The following SLC35F1 variants were observed in gnomAD, a reference collection of about 807,000 sequenced individuals.
SLC35F1 encodes the protein solute carrier family 35 member F1, also known as chromosome 6 open reading frame 169.
A neutral mutation model predicts 48.7 loss-of-function variants in SLC35F1; 14 were observed. That is an observed-to-expected ratio of 0.29 (90% CI 0.19 to 0.45). The LOEUF is 0.45. SLC35F1 is among the 20% of genes least tolerant of loss of function. The pLI, the probability that SLC35F1 is intolerant of heterozygous loss-of-function variation, is 1.00. For missense variants in SLC35F1, 404 were observed against 500.0 expected (o/e 0.81, Z 1.83); for synonymous variants, 190 against 202.2 (o/e 0.94, Z 0.51).
chr6:117,971,265 G>A (rs1191546871), intron 1 of SLC35F1, among the ~76,000 whole-genome samples: 1 of 152,216 alleles, frequency 6.6e-6, no homozygotes, highest in African/African-American at 2.4e-5. Flanking sequence ...TTGACTCCAT[G>A]TCTCATATCC....
At position 118,314,141 on chromosome 6, in the gene SLC35F1, T is replaced by C. The variant is rs1220303248; in HGVS notation, c.1116T>C (p.Asn372=). 3.7e-6 allele frequency: 6 copies of C among 1,614,170 alleles called. No individual in the cohort carries two copies. Among genetic ancestry groups the C allele is most frequent in the Non-Finnish European group, 5.1e-6 (6 of 1,180,020 alleles). The part of the protein sequence containing the change: ...QDPRVYKQFR[N]PSGPVVDLPT... Reference sequence around the variant, plus strand: ...CCCGAGTGTATAAGCAGTTCCGCAATCCTTCAGGACCTGTTGTGGACTTAC... The same window carrying C: ...CCCGAGTGTATAAGCAGTTCCGCAACCCTTCAGGACCTGTTGTGGACTTAC... Residue 372 remains asparagine, a synonymous_variant, in exon 8 of 8, where the codon AAT becomes AAC. Transcript: ENST00000360388.
chr6:118,255,514 C>G (rs1425734476), intron 3 of SLC35F1, among the ~76,000 whole-genome samples: 4 of 152,182 alleles, frequency 2.6e-5, no homozygotes, highest in Non-Finnish European at 5.9e-5. Context: ...GAGCTTGTGT[C>G]TAATTATCTG....
chr6:118,022,830 A>C (rs994720111), intron 1 of SLC35F1, among the ~76,000 whole-genome samples: 26 of 148,300 alleles, frequency 1.8e-4, no homozygotes, highest in African/African-American at 6.5e-4. Context: ...GGCTCACTGC[A>C]AGCTCCGCCT....
At chr6:117,996,648 A>T (rs1274409545) in intron 1 of SLC35F1, among the ~76,000 whole-genome samples, 1 of 152,220 alleles carries the variant, frequency 6.6e-6, no homozygotes, top group Non-Finnish European at 1.5e-5. Context: ...CTGCAGCCAC[A>T]GCTGCTGATA....
At chr6:117,983,315 G>A (rs1441354069) in intron 1 of SLC35F1, among the ~76,000 whole-genome samples, 1 of 152,226 alleles carries the variant, frequency 6.6e-6, no homozygotes, top group Non-Finnish European at 1.5e-5. Flanking sequence ...GGTGGCTCCC[G>A]CCTATAATCC....
intron 1 of SLC35F1, among the ~76,000 whole-genome samples, chr6:118,107,843 A>G (rs1229863687): frequency 1.3e-5 from 2 of 152,064 alleles, no homozygotes; most frequent in Non-Finnish European, 2.9e-5. Context: ...GAAAAATTAC[A>G]GACAATTTCA....
chr6:118,120,766 C>T (rs190261447), intron 1 of SLC35F1, among the ~76,000 whole-genome samples: 17 of 152,076 alleles, frequency 1.1e-4, no homozygotes, highest in South Asian at 2.1e-4. Context: ...TGAAATATTC[C>T]GCACTGAAAC....
intron 1 of SLC35F1, among the ~76,000 whole-genome samples, chr6:118,061,556 GTA>G (rs987100183): frequency 6.9e-6 from 1 of 145,272 alleles, no homozygotes; most frequent in Non-Finnish European, 1.5e-5. Context: ...TATTTTATGT[GTA>G]TATATATATA....
At chr6:118,260,066 T>C (rs1392168260) in intron 3 of SLC35F1, among the ~76,000 whole-genome samples, 1 of 152,120 alleles carries the variant, frequency 6.6e-6, no homozygotes, top group African/African-American at 2.4e-5. Context: ...GTGTGATACA[T>C]GAACAACATG....
At chr6:118,004,344 T>A (rs1225504827) in intron 1 of SLC35F1, among the ~76,000 whole-genome samples, 2 of 152,214 alleles carry the variant, frequency 1.3e-5, no homozygotes, top group Non-Finnish European at 2.9e-5. Flanking sequence ...ATATCCAGAA[T>A]GTCTGTTTTA....
intron 1 of SLC35F1, among the ~76,000 whole-genome samples, chr6:118,013,536 A>G (rs1475606941): frequency 6.6e-6 from 1 of 152,206 alleles, no homozygotes; most frequent in Non-Finnish European, 1.5e-5. Context: ...ATGTTTGTGA[A>G]TAGGAAAGTG....
chr6:118,000,809 A>G (rs1582610876), intron 1 of SLC35F1, among the ~76,000 whole-genome samples: 2 of 152,324 alleles, frequency 1.3e-5, no homozygotes, highest in East Asian at 1.9e-4. Flanking sequence ...CCAGTAACAG[A>G]CAAACAGAGA....
intron 1 of SLC35F1, among the ~76,000 whole-genome samples, chr6:118,038,748 A>G (rs1203599317): frequency 6.6e-6 from 1 of 151,988 alleles, no homozygotes; most frequent in Non-Finnish European, 1.5e-5. Context: ...CAGCCTCCTG[A>G]GCAGCTAAGA....
intron 5 of SLC35F1, among the ~76,000 whole-genome samples, chr6:118,276,707 G>A (rs529952981): frequency 6.6e-6 from 1 of 152,274 alleles, no homozygotes; most frequent in South Asian, 2.1e-4. Flanking sequence ...CTTCTTTTAT[G>A]GGTTATTATT....
chr6:118,224,162 T>C lies in SLC35F1; in HGVS notation c.350-11347T>C, dbSNP rs555180331. On this transcript the variant is annotated intron_variant, in intron 2 of 7. Coordinates refer to ENST00000360388, the MANE Select transcript of SLC35F1 (RefSeq NM_001029858.4). ...TAGGGAGATTTATATGAATACATAG[T>C]TTCATTATGATTGCTTTGAAAAATT... Among the ~76,000 whole-genome samples, 6 of 152,250 alleles carry C rather than the reference T, an allele frequency of 3.9e-5. No homozygotes were observed. The South Asian group carries it at 1.2e-3, about 32-fold the overall frequency.
At chr6:118,018,349 T>C (rs1777349650) in intron 1 of SLC35F1, among the ~76,000 whole-genome samples, 1 of 150,938 alleles carries the variant, frequency 6.6e-6, no homozygotes, top group East Asian at 2.0e-4. Flanking sequence ...CTAGCCTGGA[T>C]GACACAGAAA....
chr6:118,293,792 A>C (rs915388226), intron 7 of SLC35F1, among the ~76,000 whole-genome samples: 1 of 152,208 alleles, frequency 6.6e-6, no homozygotes, highest in African/African-American at 2.4e-5. Context: ...GTATCTTGCT[A>C]GTATGTGATT....
At chr6:118,078,277 T>G (rs1258247461) in intron 1 of SLC35F1, among the ~76,000 whole-genome samples, 5 of 152,152 alleles carry the variant, frequency 3.3e-5, no homozygotes, top group Non-Finnish European at 7.3e-5. Flanking sequence ...GTCAAAGAGA[T>G]AGAAAACCTC....
In SLC35F1 at chr6:118,088,176, G is replaced by T. The variant is rs6568999; in HGVS notation, c.174-66269G>T. ...CTGCGTATCTTTTTATATATTTTTC[G>T]TGGTGATCTCACACAAAGAACTATT... On this transcript the variant is annotated intron_variant, in intron 1 of 7. Transcript: ENST00000360388. Among the ~76,000 whole-genome samples, 12 of 151,898 alleles carry T rather than the reference G, an allele frequency of 7.9e-5. No homozygotes were observed. The South Asian group carries it at 2.3e-3, about 29-fold the overall frequency.
Sources: gnomAD v4.1 joint callset for allele counts (sites outside exome capture counted in the v4.1 genomes callset) on GRCh38, gnomAD v4.1.1 for gene constraint, MANE v1.5 for transcripts, NCBI Gene and HGNC (gene_info 2026-07-23, HGNC 2026-07-21) for gene names.